The following GTF3C3 variants were observed in gnomAD, a reference collection of about 807,000 sequenced individuals.
GTF3C3 encodes general transcription factor IIIC subunit 3.
Under a neutral mutation model 105.2 loss-of-function variants are expected in GTF3C3, and 75 were observed. The ratio of observed to expected loss-of-function variants is 0.71; its 90% CI spans 0.59 to 0.86. GTF3C3 has a LOEUF of 0.86. GTF3C3 is among the 40% of genes least tolerant of loss of function. The pLI, the probability that GTF3C3 is intolerant of heterozygous loss-of-function variation, is 0.00. For missense variants in GTF3C3, 856 were observed against 1,076.5 expected, an observed-to-expected ratio of 0.80 and a Z score of 2.87; for synonymous variants, 335 against 370.4, an observed-to-expected ratio of 0.90 and a Z score of 1.10.
At chr2:196,766,476 G>T in intron 17 of GTF3C3, 89 bp downstream of exon 17, 1 of 904,536 alleles carries the variant, frequency 1.1e-6, no homozygotes, top group Non-Finnish European at 1.7e-6. Flanking sequence ...TTTAATATAC[G>T]AGCTATAATT....
chr2:196,764,913 G>A (rs1024268485), intron 17 of GTF3C3, among the ~76,000 whole-genome samples: 14 of 151,876 alleles, frequency 9.2e-5, no homozygotes, highest in Admixed American at 6.6e-5. Flanking sequence ...CACAAGCTAC[G>A]GCAGAATAAA....
chr2:196,795,027 C>T (rs940202559), intron 2 of GTF3C3, among the ~76,000 whole-genome samples: 2 of 151,810 alleles, frequency 1.3e-5, no homozygotes, highest in Non-Finnish European at 2.9e-5. Flanking sequence ...TCATGCCCAG[C>T]ATTTTTTTTG....
chr2:196,795,159 T>A (rs1699620948), intron 2 of GTF3C3, among the ~76,000 whole-genome samples: 1 of 152,066 alleles, frequency 6.6e-6, no homozygotes, highest in South Asian at 2.1e-4. Flanking sequence ...CATCTCAGCC[T>A]CCCTAGTAGC....
chr2:196,770,770 A>G (rs1699158095), intron 15 of GTF3C3, among the ~76,000 whole-genome samples: 1 of 152,208 alleles, frequency 6.6e-6, no homozygotes, highest in Non-Finnish European at 1.5e-5. Flanking sequence ...TCTCTTAGGC[A>G]GCAAAGATGG....
chr2:196,785,827 C>T (rs1465462600), intron 6 of GTF3C3, among the ~76,000 whole-genome samples: 1 of 152,172 alleles, frequency 6.6e-6, no homozygotes, highest in African/African-American at 2.4e-5. Context: ...CATTCCAGCT[C>T]ATTCCCTATG....
intron 16 of GTF3C3, 146 bp from the exon 17 acceptor site, chr2:196,766,863 T>G: frequency 2.1e-6 from 1 of 486,986 alleles, no homozygotes; most frequent in Non-Finnish European, 3.6e-6. Context: ...AGTATTACAG[T>G]GTAGTTAGGT....
chr2:196,794,835 TCTCATGCCTCAGC>T (rs1174340602), intron 2 of GTF3C3, among the ~76,000 whole-genome samples: 1 of 150,062 alleles, frequency 6.7e-6, no homozygotes, highest in Admixed American at 6.6e-5. Context: ...CCCAGGTGAT[TCTCATGCCTCAGC>T]CTCCCGAATA....
intron 4 of GTF3C3, among the ~76,000 whole-genome samples, chr2:196,790,941 CT>C (rs777113028): frequency 3.1e-4 from 47 of 151,912 alleles, no homozygotes; most frequent in Non-Finnish European, 3.8e-4. Context: ...CACCATTTAA[CT>C]GAGAGATAAG....
At position 196,764,671 on chromosome 2, in the gene GTF3C3, G is replaced by A. The variant is rs1699029030; in HGVS notation, c.2553C>T (p.Asp851=). 2 of 1,611,484 alleles carry A rather than the reference G, an allele frequency of 1.2e-6. No homozygotes were observed. The highest frequency in any genetic ancestry group is 1.3e-5 in the African/African-American group (1 of 74,852). The change falls in exon 18 of 18, where the codon GAC becomes GAT. Residue 851 remains aspartate (D), a synonymous_variant. Transcript: ENST00000263956. The part of the protein sequence containing the change: ...PPLVVEGIEL[D]QLDLRRDIAY... The stretch of plus-strand genomic sequence containing the variant: ...CAATATCTCTTCGTAAGTCTAACTG[G>A]TCAAGTTCTATACCCTAGGGAGAAA...
rs371506882 is a variant in GTF3C3 at position 196,793,064 on chromosome 2, T to C, written c.303A>G (p.Glu101=). 146 of 1,612,986 alleles carry C rather than the reference T, an allele frequency of 9.1e-5. 1 individual carries two copies. In the South Asian group the frequency reaches 1.4e-3, roughly 16 times the overall value. Residue 101 remains glutamate (E), a synonymous_variant, in exon 3 of 18, where the codon GAA becomes GAG. Coordinates refer to ENST00000263956, the MANE Select transcript of GTF3C3 (RefSeq NM_012086.5). ...CCTCCTCCTCCTCCTCCTCCTCTTCTTCCTCTTCCTCCTCATCATCTTCAT... is the reference window on the plus strand; with the variant it reads ...CCTCCTCCTCCTCCTCCTCCTCTTCCTCCTCTTCCTCCTCATCATCTTCAT... The part of the protein sequence containing the change: ...GENEDDEEEE[E]EEEEEEEEEE...
intron 2 of GTF3C3, among the ~76,000 whole-genome samples, chr2:196,796,825 A>G (rs1485340649): frequency 6.6e-6 from 1 of 152,090 alleles, no homozygotes; most frequent in East Asian, 1.9e-4. Context: ...AACTCCATCC[A>G]TGTCCCTGCA....
intron 3 of GTF3C3, among the ~76,000 whole-genome samples, chr2:196,792,359 CTA>C (rs1440634536): frequency 6.6e-6 from 1 of 152,096 alleles, no homozygotes; most frequent in African/African-American, 2.4e-5. Context: ...CAGAGCCTCA[CTA>C]TGTTGCTCAG....
At chr2:196,781,355 AAAATAT>A (rs1241958217) in intron 8 of GTF3C3, among the ~76,000 whole-genome samples, 4 of 31,180 alleles carry the variant, frequency 1.3e-4, no homozygotes, top group Non-Finnish European at 2.2e-4. Context: ...AAAAAAAAAA[AAAATAT>A]ATATATATAT....
At chr2:196,774,331 T>C (rs953154574) in intron 13 of GTF3C3, among the ~76,000 whole-genome samples, 1 of 152,214 alleles carries the variant, frequency 6.6e-6, no homozygotes, top group Non-Finnish European at 1.5e-5. Context: ...ATGGAACCAC[T>C]ATCCAATGGA....
At chr2:196,792,894 G>T (rs1374455026) in intron 3 of GTF3C3, 62 bp downstream of exon 3, 3 of 1,074,426 alleles carry the variant, frequency 2.8e-6, no homozygotes, top group South Asian at 1.3e-5. Context: ...ATAACTTACA[G>T]ACTTCAATTA....
At chr2:196,794,218 C>T (rs1576037953) in intron 2 of GTF3C3, among the ~76,000 whole-genome samples, 1 of 152,106 alleles carries the variant, frequency 6.6e-6, no homozygotes, top group South Asian at 2.1e-4. Context: ...TCAACAGATG[C>T]GGTTCCTCTG....
At chr2:196,797,771 G>A (rs971667189) in intron 2 of GTF3C3, 26 bp downstream of exon 2, 4 of 1,215,672 alleles carry the variant, frequency 3.3e-6, no homozygotes, top group Non-Finnish European at 4.9e-6. Context: ...AACATTCATT[G>A]CAGGAAGCAC....
intron 8 of GTF3C3, among the ~76,000 whole-genome samples, chr2:196,783,785 C>T (rs1193980227): frequency 6.6e-6 from 1 of 152,186 alleles, no homozygotes; most frequent in African/African-American, 2.4e-5. Flanking sequence ...AATTATCACA[C>T]AACTCTTAAA....
chr2:196,793,806 G>A (rs1276385352), intron 2 of GTF3C3, among the ~76,000 whole-genome samples: 1 of 152,092 alleles, frequency 6.6e-6, no homozygotes, highest in Non-Finnish European at 1.5e-5. Context: ...TAGTTCATTT[G>A]TATCTCAGGA....
Sources: allele counts gnomAD v4.1 joint callset (sites outside exome capture counted in the v4.1 genomes callset), GRCh38; gene constraint gnomAD v4.1.1; transcripts MANE v1.5; gene names NCBI Gene and HGNC (gene_info 2026-07-23, HGNC 2026-07-21).